PARD3: variants seen among roughly 807,000 people sequenced by gnomAD.
PARD3 encodes the protein par-3 family cell polarity regulator, also known as partitioning defective 3 homolog.
In PARD3, 75 loss-of-function variants were observed where a neutral mutation model predicts 155.4. The observed-to-expected ratio is 0.48, with a 90% CI of 0.40 to 0.58. The LOEUF is 0.58. Ranked by LOEUF, PARD3 falls within the 20% of genes least tolerant of loss-of-function variation. PARD3 has a pLI of 0.00. For synonymous variants in PARD3, 576 were observed against 610.5 expected (o/e 0.94, Z 0.83); for missense variants, 1,642 against 1,721.7 (o/e 0.95, Z 0.82).
At chr10:34,237,089 T>C (rs1953282806) in intron 22 of PARD3, among the ~76,000 whole-genome samples, 3 of 152,286 alleles carry the variant, frequency 2.0e-5, no homozygotes, top group Middle Eastern at 6.8e-3. Context: ...TCGATACACA[T>C]TGCTGGGTTG....
intron 2 of PARD3, among the ~76,000 whole-genome samples, chr10:34,584,861 C>T (rs1228302293): frequency 2.0e-5 from 3 of 152,044 alleles, no homozygotes; most frequent in Admixed American, 1.3e-4. Flanking sequence ...TTAGGTTTTC[C>T]CAGGCTCATT....
chr10:34,425,783 TTA>T, intron 5 of PARD3, among the ~76,000 whole-genome samples: 1 of 152,232 alleles, frequency 6.6e-6, no homozygotes, highest in Non-Finnish European at 1.5e-5. Context: ...CCCTTCTAGT[TTA>T]ACTCTTACTT....
At chr10:34,135,669 CCA>C (rs1379180123) in intron 22 of PARD3, among the ~76,000 whole-genome samples, 1 of 152,116 alleles carries the variant, frequency 6.6e-6, no homozygotes, top group African/African-American at 2.4e-5. Flanking sequence ...CACCTGTGCC[CCA>C]CAGGCAAGCC....
chr10:34,719,676 T>C (rs911826550), intron 1 of PARD3, among the ~76,000 whole-genome samples: 2 of 152,214 alleles, frequency 1.3e-5, no homozygotes, highest in Non-Finnish European at 2.9e-5. Context: ...ACCATGCCCC[T>C]CTTTCCTTCT....
intron 14 of PARD3, among the ~76,000 whole-genome samples, chr10:34,349,424 C>T (rs185369320): frequency 3.2e-4 from 48 of 151,374 alleles, no homozygotes; most frequent in African/African-American, 9.2e-4. Flanking sequence ...AATTGTGAAA[C>T]GAGGATTTGT....
At chr10:34,481,753 A>C (rs2079093537) in intron 3 of PARD3, among the ~76,000 whole-genome samples, 1 of 152,204 alleles carries the variant, frequency 6.6e-6, no homozygotes, top group African/African-American at 2.4e-5. Context: ...AAACTAATAA[A>C]TATGGGGCCA....
Position 34,124,796 on chromosome 10 carries a change from C to T in PARD3, c.3541-5056G>A, listed in dbSNP as rs71495064. 7.7e-3 allele frequency among the ~76,000 whole-genome samples: 1,165 copies of T among 152,266 alleles called. 5 individuals are homozygous for T. Among genetic ancestry groups the T allele is most frequent in the Admixed American group, 0.013 (200 of 15,296 alleles). ...AGTGCTTAGATCTTTTATCCCCGCC[C>T]CCATCTTAAGCAATAGGAACACTGA... is the stretch of plus-strand genomic sequence containing the variant. On this transcript the variant is annotated intron_variant, in intron 23 of 24. Coordinates refer to ENST00000374788, the MANE Select transcript of PARD3 (RefSeq NM_001184785.2).
intron 2 of PARD3, among the ~76,000 whole-genome samples, chr10:34,558,082 G>A (rs866350435): frequency 3.3e-5 from 5 of 151,820 alleles, no homozygotes; most frequent in Non-Finnish European, 5.9e-5. Context: ...GCTAAGTATG[G>A]CTCCCCACAC....
intron 2 of PARD3, among the ~76,000 whole-genome samples, chr10:34,610,116 A>T (rs2090771008): frequency 6.6e-6 from 1 of 152,220 alleles, no homozygotes; most frequent in South Asian, 2.1e-4. Context: ...AATCTCTGGT[A>T]GTATATTCCT....
At chr10:34,511,956 C>T (rs946980541) in intron 3 of PARD3, among the ~76,000 whole-genome samples, 4 of 152,138 alleles carry the variant, frequency 2.6e-5, no homozygotes, top group Admixed American at 1.3e-4. Context: ...TTAATTTTAT[C>T]TTTCTTTGAA....
chr10:34,695,461 G>C (rs2094149693), intron 2 of PARD3, among the ~76,000 whole-genome samples: 1 of 132,648 alleles, frequency 7.5e-6, no homozygotes. Context: ...CTGGGCAACA[G>C]AGCAAGACTC....
At chr10:34,302,471 A>C (rs1304211289) in intron 20 of PARD3, among the ~76,000 whole-genome samples, 1 of 152,164 alleles carries the variant, frequency 6.6e-6, no homozygotes, top group East Asian at 1.9e-4. Context: ...AACTGGCCCC[A>C]CACACAAGGC....
At chr10:34,771,692 T>G (rs530679250) in intron 1 of PARD3, among the ~76,000 whole-genome samples, 2 of 152,348 alleles carry the variant, frequency 1.3e-5, no homozygotes, top group African/African-American at 4.8e-5. Context: ...TGGTGTATCT[T>G]ATGAAGCAAG....
intron 4 of PARD3, among the ~76,000 whole-genome samples, chr10:34,462,697 G>T (rs2077727046): frequency 6.6e-6 from 1 of 151,616 alleles, no homozygotes; most frequent in African/African-American, 2.4e-5. Context: ...AAAATAGCTG[G>T]GTGGGGTGGC....
At chr10:34,200,210 A>C (rs1028365124) in intron 22 of PARD3, among the ~76,000 whole-genome samples, 2 of 152,200 alleles carry the variant, frequency 1.3e-5, no homozygotes, top group Non-Finnish European at 2.9e-5. Context: ...TTCTTCTTTC[A>C]TGGAAGAATA....
chr10:34,184,715 T>TTTTTC (rs1554804503), intron 22 of PARD3, among the ~76,000 whole-genome samples: 1 of 150,714 alleles, frequency 6.6e-6, no homozygotes. Flanking sequence ...TTTTTTTTTT[T>TTTTTC]CCCTCAAGGA....
chr10:34,571,002 C>T (rs1371442405), intron 2 of PARD3, among the ~76,000 whole-genome samples: 1 of 152,138 alleles, frequency 6.6e-6, no homozygotes, highest in East Asian at 1.9e-4. Flanking sequence ...ATATCAAGCA[C>T]CTATGGTCCT....
At position 34,658,693 on chromosome 10, in the gene PARD3, A is replaced by G. The variant is rs117517357; in HGVS notation, c.222+37625T>C. ...CAATGCAGACAGGAACAGGAAGCAA[A>G]CAAGGGCCATGTCCCCCCTCCTGCC... is the stretch of plus-strand genomic sequence containing the variant. On this transcript the variant is annotated intron_variant, in intron 2 of 24. Coordinates refer to ENST00000374788, the MANE Select transcript of PARD3 (RefSeq NM_001184785.2). Among the ~76,000 whole-genome samples, 69 of 152,316 alleles carry G rather than the reference A, an allele frequency of 4.5e-4. No individual in the cohort carries two copies. In the East Asian group the frequency reaches 0.012, roughly 27 times the overall value.
chr10:34,551,151 T>C (rs987591232), intron 2 of PARD3, among the ~76,000 whole-genome samples: 3 of 152,180 alleles, frequency 2.0e-5, no homozygotes, highest in Non-Finnish European at 4.4e-5. Context: ...TGGCTATGCA[T>C]AGTTGGATAT....
Sources: allele counts gnomAD v4.1 joint callset (sites outside exome capture counted in the v4.1 genomes callset), GRCh38; gene constraint gnomAD v4.1.1; transcripts MANE v1.5; gene names NCBI Gene and HGNC (gene_info 2026-07-23, HGNC 2026-07-21).